WWOX: variants seen among roughly 807,000 people sequenced by gnomAD.
WWOX encodes the protein WW domain containing oxidoreductase, also known as WW domain-containing oxidoreductase.
In WWOX, 69 loss-of-function variants were observed where a neutral mutation model predicts 46.2. The observed-to-expected ratio is 1.49, with a 90% confidence interval of 1.23 to 1.82. The LOEUF (loss-of-function observed/expected upper bound fraction) is 1.82, where lower values mean the gene tolerates loss of function less well. Among genes scored for constraint, WWOX ranks in the 40% most tolerant of loss-of-function variants. WWOX has a pLI of 0.00. For missense variants in WWOX, 919 were observed against 542.6 expected, an observed-to-expected ratio of 1.69 and a Z score of -6.89; for synonymous variants, 359 against 202.6, an observed-to-expected ratio of 1.77 and a Z score of -6.56.
In WWOX at chr16:78,757,332, G is replaced by A. The variant is rs904326766; in HGVS notation, c.1056+324580G>A. On this transcript the variant is annotated intron_variant, in intron 8 of 8. Coordinates refer to ENST00000566780, the MANE Select transcript of WWOX (RefSeq NM_016373.4). Reference sequence around the variant, plus strand: ...TGTTACTTTCTTACCACCTACCCCAGCACCCCAGCACCCCAGCACCCCAGC... The same window carrying A: ...TGTTACTTTCTTACCACCTACCCCAACACCCCAGCACCCCAGCACCCCAGC... 1.8e-4 allele frequency among the ~76,000 whole-genome samples: 8 copies of A among 43,408 alleles called. No individual in the cohort carries two copies. The East Asian group carries it at 5.4e-3, about 29-fold the overall frequency. 28.5% of individuals were successfully genotyped at this position (43,408 alleles called of 152,430 possible). A position where few individuals can be genotyped will look rare whatever the true frequency, so the allele number is the denominator to read the frequency against.
chr16:78,525,443 C>T (rs1449335000), intron 8 of WWOX: 1 of 152,012 alleles, frequency 6.6e-6, no homozygotes, highest in Non-Finnish European at 1.5e-5. Flanking sequence ...CCTTGGCCTC[C>T]CAAAGTGCTG....
chr16:78,893,421 T>A (rs1001087982), intron 8 of WWOX, among the ~76,000 whole-genome samples: 3 of 152,078 alleles, frequency 2.0e-5, no homozygotes, highest in Non-Finnish European at 2.9e-5. Flanking sequence ...ATAGTTTGGA[T>A]TGACTTCTCT....
intron 8 of WWOX, among the ~76,000 whole-genome samples, chr16:79,084,837 T>C (rs929045994): frequency 6.6e-6 from 1 of 152,244 alleles, no homozygotes; most frequent in Non-Finnish European, 1.5e-5. Context: ...ATGTATTCAT[T>C]TACTGATTCA....
At chr16:78,865,763 C>G (rs183638889) in intron 8 of WWOX, among the ~76,000 whole-genome samples, 1 of 152,206 alleles carries the variant, frequency 6.6e-6, no homozygotes, top group African/African-American at 2.4e-5. Flanking sequence ...GCCTGTAATC[C>G]CAGCTACTCA....
chr16:78,662,079 G>A (rs1225496520), intron 8 of WWOX, among the ~76,000 whole-genome samples: 2 of 152,080 alleles, frequency 1.3e-5, no homozygotes, highest in East Asian at 1.9e-4. Context: ...TAGTAGTGGT[G>A]GTGGTGGTGG....
At chr16:78,190,537 G>T (rs2035853314) in intron 5 of WWOX, among the ~76,000 whole-genome samples, 1 of 152,112 alleles carries the variant, frequency 6.6e-6, no homozygotes, top group East Asian at 1.9e-4. Flanking sequence ...CCCCATGATG[G>T]CTACAGTGCA....
intron 8 of WWOX, among the ~76,000 whole-genome samples, chr16:78,729,743 C>G (rs772618371): frequency 3.9e-5 from 6 of 152,156 alleles, no homozygotes; most frequent in Non-Finnish European, 7.3e-5. Flanking sequence ...ACATAGCAAA[C>G]TAATGCAAAT....
chr16:78,693,856 C>G lies in WWOX; in HGVS notation c.1056+261104C>G, dbSNP rs569159839. Among the ~76,000 whole-genome samples the G allele has an allele frequency of 7.9e-5, 12 of 152,260 alleles. 1 individual carries two copies. Among genetic ancestry groups the G allele is most frequent in the Admixed American group, 6.5e-4 (10 of 15,282 alleles). On this transcript the variant is annotated intron_variant, in intron 8 of 8. Transcript: ENST00000566780. ...ATTATTTAAGCTGTGAATACCCTCTCTTTTCCCACTGAAGTTGTGGTTGTA... is the reference window on the plus strand; with the variant it reads ...ATTATTTAAGCTGTGAATACCCTCTGTTTTCCCACTGAAGTTGTGGTTGTA...
At chr16:78,243,484 T>C (rs1014427381) in intron 5 of WWOX, among the ~76,000 whole-genome samples, 7 of 152,124 alleles carry the variant, frequency 4.6e-5, no homozygotes, top group Admixed American at 3.9e-4. Flanking sequence ...TGGTACCCAA[T>C]AGGTGCTTTT....
intron 8 of WWOX, among the ~76,000 whole-genome samples, chr16:78,863,379 C>G (rs970953686): frequency 6.6e-6 from 1 of 152,160 alleles, no homozygotes; most frequent in African/African-American, 2.4e-5. Flanking sequence ...AACTATGGAC[C>G]TTGATGAATG....
chr16:78,942,622 AG>A, intron 8 of WWOX, among the ~76,000 whole-genome samples: 1 of 152,218 alleles, frequency 6.6e-6, no homozygotes. Context: ...CATCTCAGAA[AG>A]TTTGAGACAT....
intron 6 of WWOX, among the ~76,000 whole-genome samples, chr16:78,390,648 G>A (rs990980386): frequency 6.6e-6 from 1 of 152,148 alleles, no homozygotes; most frequent in Non-Finnish European, 1.5e-5. Context: ...ATAGGCAGAT[G>A]ACAGTTTAGT....
At chr16:78,354,711 T>TTTCA (rs61255928) in intron 5 of WWOX, among the ~76,000 whole-genome samples, 1 of 151,502 alleles carries the variant, frequency 6.6e-6, no homozygotes, top group Non-Finnish European at 1.5e-5. Context: ...GGTAAACTGT[T>TTTCA]TTGTTTGTCA....
intron 8 of WWOX, among the ~76,000 whole-genome samples, chr16:78,501,569 C>G (rs1241873932): frequency 6.6e-6 from 1 of 151,504 alleles, no homozygotes; most frequent in Non-Finnish European, 1.5e-5. Context: ...TGGAGTCTTC[C>G]TCTGTCACCC....
At chr16:78,676,035 C>A (rs2047590174) in intron 8 of WWOX, among the ~76,000 whole-genome samples, 1 of 151,954 alleles carries the variant, frequency 6.6e-6, no homozygotes, top group Non-Finnish European at 1.5e-5. Context: ...TTTTTAGCTT[C>A]TTCTCCGCTG....
At position 78,512,513 on chromosome 16, in the gene WWOX, T is replaced by C. The variant is rs538531025; in HGVS notation, c.1056+79761T>C. Among the ~76,000 whole-genome samples, 64 of 152,304 alleles carry C rather than the reference T, an allele frequency of 4.2e-4. 1 individual carries two copies. The highest frequency in any genetic ancestry group is 1.4e-3 in the African/African-American group (60 of 41,572). On this transcript the variant is annotated intron_variant, in intron 8 of 8. Transcript: ENST00000566780. ...TATTGGGCAATTAATTGTATTTACT[T>C]AGCATTGAATGCATGATTAGAAATG... is the stretch of plus-strand genomic sequence containing the variant.
At chr16:78,683,045 G>A (rs183808211) in intron 8 of WWOX, among the ~76,000 whole-genome samples, 5 of 152,274 alleles carry the variant, frequency 3.3e-5, no homozygotes, top group African/African-American at 1.2e-4. Flanking sequence ...CTTTGGTGGG[G>A]TAGGAAGGAT....
intron 6 of WWOX, among the ~76,000 whole-genome samples, chr16:78,401,181 G>A (rs9674148): frequency 0.021 from 3,125 of 152,178 alleles, 90 homozygotes; most frequent in African/African-American, 0.072. Context: ...ATATGTGTGT[G>A]CAGAAATAAA....
intron 8 of WWOX, among the ~76,000 whole-genome samples, chr16:78,846,707 A>G (rs1164862481): frequency 6.6e-6 from 1 of 152,218 alleles, no homozygotes; most frequent in East Asian, 1.9e-4. Context: ...TTCCTTTGTA[A>G]TTAATAAATA....
Sources: allele counts gnomAD v4.1 joint callset (sites outside exome capture counted in the v4.1 genomes callset), GRCh38; gene constraint gnomAD v4.1.1; transcripts MANE v1.5; gene names NCBI Gene and HGNC (gene_info 2026-07-23, HGNC 2026-07-21).